The following PRTFDC1 variants were observed in gnomAD, a reference collection of about 807,000 sequenced individuals.
The protein encoded by PRTFDC1 is phosphoribosyl transferase domain containing 1, also known as phosphoribosyltransferase domain-containing protein 1.
PRTFDC1 carries 38 observed loss-of-function variants against 34.6 expected under a neutral mutation model. The ratio of observed to expected loss-of-function variants is 1.10; its 90% CI spans 0.85 to 1.44. The LOEUF (loss-of-function observed/expected upper bound fraction) is 1.44. PRTFDC1 is among the 40% of genes most tolerant of loss of function. The pLI, the probability that PRTFDC1 is intolerant of heterozygous loss-of-function variation, is 0.00. For synonymous variants in PRTFDC1, 93 were observed against 98.1 expected (o/e 0.95, Z 0.31); for missense variants, 270 against 283.0 (o/e 0.95, Z 0.33).
At chr10:24,876,393 T>C (rs1173475366) in intron 3 of PRTFDC1, among the ~76,000 whole-genome samples, 1 of 152,022 alleles carries the variant, frequency 6.6e-6, no homozygotes, top group Non-Finnish European at 1.5e-5. Flanking sequence ...ACAGGATTAA[T>C]TTCTTTTTAA....
chr10:24,906,992 T>C (rs1171274910), intron 3 of PRTFDC1, among the ~76,000 whole-genome samples: 1 of 152,240 alleles, frequency 6.6e-6, no homozygotes, highest in Middle Eastern at 3.2e-3. Flanking sequence ...ACTTATGTTT[T>C]ACTTTCCTGA....
At chr10:24,872,085 A>AT (rs1555045361) in intron 3 of PRTFDC1, 22 bp from the exon 4 acceptor site, 1 of 1,581,720 alleles carries the variant, frequency 6.3e-7, no homozygotes, top group Non-Finnish European at 8.7e-7. Context: ...AAGAAAAAAA[A>AT]GGGAGACAAT....
At chr10:24,931,536 G>A (rs1419110593) in intron 3 of PRTFDC1, among the ~76,000 whole-genome samples, 1 of 151,676 alleles carries the variant, frequency 6.6e-6, no homozygotes, top group African/African-American at 2.4e-5. Flanking sequence ...ATACTATCAG[G>A]ACTGAAAGAG....
At chr10:24,943,027 T>C (rs1223507838) in intron 1 of PRTFDC1, among the ~76,000 whole-genome samples, 2 of 150,188 alleles carry the variant, frequency 1.3e-5, no homozygotes, top group Admixed American at 1.3e-4. Context: ...GTGTAATATA[T>C]AATTTTTCTC....
intron 3 of PRTFDC1, among the ~76,000 whole-genome samples, chr10:24,878,874 C>T (rs1848016533): frequency 1.3e-5 from 2 of 152,212 alleles, no homozygotes; most frequent in Non-Finnish European, 2.9e-5. Context: ...AAAATCTCTA[C>T]ACAAAGGCTG....
At chr10:24,951,721 G>T in intron 1 of PRTFDC1, 1 of 580,204 alleles carries the variant, frequency 1.7e-6, no homozygotes, top group Non-Finnish European at 2.2e-6. Context: ...TTCTCAGGGA[G>T]CAGGGAGGAC....
At chr10:24,905,123 A>G (rs117437219) in intron 3 of PRTFDC1, among the ~76,000 whole-genome samples, 1,761 of 151,512 alleles carry the variant, frequency 0.012, 20 homozygotes, top group Non-Finnish European at 0.019. Context: ...CCTGGACAAC[A>G]TGAAGACCCT....
chr10:24,924,372 T>G (rs1285576515), intron 3 of PRTFDC1, among the ~76,000 whole-genome samples: 1 of 151,900 alleles, frequency 6.6e-6, no homozygotes, highest in Non-Finnish European at 1.5e-5. Flanking sequence ...AAGGTTGAAA[T>G]GAAGGAAAAA....
At chr10:24,871,911 G>T in intron 4 of PRTFDC1, 87 bp downstream of exon 4, 1 of 1,185,404 alleles carries the variant, frequency 8.4e-7, no homozygotes, top group Non-Finnish European at 1.2e-6. Flanking sequence ...GAGCATGTCT[G>T]AAATGTCCTG....
chr10:24,948,430 G>A (rs986254118), intron 1 of PRTFDC1, among the ~76,000 whole-genome samples: 1 of 152,286 alleles, frequency 6.6e-6, no homozygotes, highest in South Asian at 2.1e-4. Flanking sequence ...CAAGTGACAA[G>A]CCAACTCTGA....
intron 3 of PRTFDC1, among the ~76,000 whole-genome samples, chr10:24,918,529 G>A (rs1024109928): frequency 7.2e-5 from 11 of 151,794 alleles, no homozygotes; most frequent in Non-Finnish European, 1.3e-4. Context: ...GGATCCTCCT[G>A]CCTCAGCCTC....
intron 3 of PRTFDC1, among the ~76,000 whole-genome samples, chr10:24,877,284 C>G (rs1847984116): frequency 6.6e-6 from 1 of 152,150 alleles, no homozygotes; most frequent in Non-Finnish European, 1.5e-5. Context: ...ATCCTCCTGC[C>G]TCAGCCTCCC....
intron 4 of PRTFDC1, among the ~76,000 whole-genome samples, chr10:24,861,175 T>A (rs1460731270): frequency 6.6e-6 from 1 of 152,162 alleles, no homozygotes; most frequent in Non-Finnish European, 1.5e-5. Context: ...TTCAAATACA[T>A]CTTCAAATCA....
In PRTFDC1 at chr10:24,937,296, T is replaced by C; in HGVS notation, c.227A>G (p.Lys76Arg). The C allele has an allele frequency of 1.2e-6, 2 of 1,614,058 alleles. No homozygotes were observed. The highest frequency in any genetic ancestry group is 1.7e-6 in the Non-Finnish European group (2 of 1,179,994). Residue 76 changes from lysine to arginine, a missense_variant, in exon 3 of 9, where the codon AAA (lysine) becomes AGA (arginine). Transcript: ENST00000320152. ...ATCAGCACAGAATTTGTAACCTCCT[T>C]TAAGCACACACAGGACCATGATGTC... is the stretch of plus-strand genomic sequence containing the variant. ...YSDIMVLCVLKGGYKFCADLV... is the reference protein window; with the variant it reads ...YSDIMVLCVLRGGYKFCADLV...
rs1322771574 is a variant in PRTFDC1, at chr10:24,856,847, T to C, written c.506+66A>G. Reference sequence around the variant, plus strand: ...TACACTCTTTGGAAAGAGCATCCTGTGTTAGCATCCCTTTTGGGCTTGCTT... The same window carrying C: ...TACACTCTTTGGAAAGAGCATCCTGCGTTAGCATCCCTTTTGGGCTTGCTT... On this transcript the variant is annotated intron_variant, in intron 6 of 8. Coordinates refer to ENST00000320152, the MANE Select transcript of PRTFDC1 (RefSeq NM_020200.7). 3 of 1,350,292 alleles carry C rather than the reference T, an allele frequency of 2.2e-6. No homozygotes were observed. The African/African-American group carries it at 4.3e-5, about 19-fold the overall frequency. 83.6% of individuals were successfully genotyped at this position (1,350,292 alleles called of 1,614,324 possible). A position where few individuals can be genotyped will look rare whatever the true frequency, so the allele number is the denominator to read the frequency against.
At chr10:24,903,359 T>G (rs918651087) in intron 3 of PRTFDC1, among the ~76,000 whole-genome samples, 2 of 152,228 alleles carry the variant, frequency 1.3e-5, no homozygotes, top group African/African-American at 4.8e-5. Context: ...ATGTTCTATT[T>G]GTTAACTGGT....
intron 1 of PRTFDC1, among the ~76,000 whole-genome samples, chr10:24,944,155 G>A (rs1010732852): frequency 6.6e-6 from 1 of 152,028 alleles, no homozygotes; most frequent in Non-Finnish European, 1.5e-5. Flanking sequence ...ACTGCCCCCG[G>A]CCTCTGATCT....
intron 4 of PRTFDC1, among the ~76,000 whole-genome samples, chr10:24,871,442 G>T (rs1847865450): frequency 6.6e-6 from 1 of 152,124 alleles, no homozygotes; most frequent in Non-Finnish European, 1.5e-5. Flanking sequence ...TAATTATTAA[G>T]CACTGGCAGA....
intron 3 of PRTFDC1, among the ~76,000 whole-genome samples, chr10:24,931,273 T>C (rs935410057): frequency 6.6e-6 from 1 of 152,118 alleles, no homozygotes; most frequent in East Asian, 1.9e-4. Flanking sequence ...TATGTTTGTA[T>C]TAGAAAATAA....
Sources: gnomAD v4.1 joint callset for allele counts (sites outside exome capture counted in the v4.1 genomes callset) on GRCh38, gnomAD v4.1.1 for gene constraint, MANE v1.5 for transcripts, NCBI Gene and HGNC (gene_info 2026-07-23, HGNC 2026-07-21) for gene names.